Variants in CSGALNACT1 observed in about 807,000 individuals in gnomAD.
CSGALNACT1 encodes the protein beta4GalNAcT-1.
In CSGALNACT1, 52 loss-of-function variants were observed where a neutral mutation model predicts 51.0. That is an observed-to-expected ratio of 1.02 (90% confidence interval 0.82 to 1.29). CSGALNACT1 has a LOEUF of 1.29. Ranked by LOEUF, CSGALNACT1 falls within the 50% of genes most tolerant of loss-of-function variation. The pLI, the probability that CSGALNACT1 is intolerant of heterozygous loss-of-function variation, is 0.00. For missense variants in CSGALNACT1, 935 were observed against 679.2 expected (o/e 1.38, Z -4.19); for synonymous variants, 341 against 254.4 (o/e 1.34, Z -3.24).
chr8:19,439,019 C>A (rs1346985158), intron 6 of CSGALNACT1, among the ~76,000 whole-genome samples: 1 of 152,198 alleles, frequency 6.6e-6, no homozygotes, highest in Non-Finnish European at 1.5e-5. Flanking sequence ...TGGCCATACT[C>A]AAACCTTCAC....
intron 2 of CSGALNACT1, among the ~76,000 whole-genome samples, chr8:19,599,472 AAAAGAAAGAAAGAAAGAAAGAAAG>A (rs201098374): frequency 2.7e-3 from 305 of 113,808 alleles, no homozygotes; most frequent in South Asian, 6.1e-3. Flanking sequence ...GAAAGAAAGA[AAAAGAAAGAAAGAAAGAAAGAAAG>A]AAAGAAAGAA....
At chr8:19,581,203 G>A (rs2045492459) in intron 3 of CSGALNACT1, among the ~76,000 whole-genome samples, 1 of 152,194 alleles carries the variant, frequency 6.6e-6, no homozygotes, top group African/African-American at 2.4e-5. Flanking sequence ...AGCCATCACA[G>A]TAAAACTGTG....
chr8:19,620,505 T>A (rs1008246036), intron 1 of CSGALNACT1, among the ~76,000 whole-genome samples: 3 of 151,318 alleles, frequency 2.0e-5, no homozygotes, highest in African/African-American at 7.3e-5. Flanking sequence ...CGATCATAGG[T>A]CACTGCTGTC....
intron 1 of CSGALNACT1, among the ~76,000 whole-genome samples, chr8:19,660,727 T>A (rs1474108481): frequency 1.3e-5 from 2 of 152,154 alleles, no homozygotes; most frequent in African/African-American, 4.8e-5. Context: ...CCATGATCCC[T>A]GATATTAAAG....
At chr8:19,636,161 G>A (rs2056031650) in intron 1 of CSGALNACT1, among the ~76,000 whole-genome samples, 1 of 152,180 alleles carries the variant, frequency 6.6e-6, no homozygotes, top group Non-Finnish European at 1.5e-5. Flanking sequence ...TCAGTAAACA[G>A]GCGAGTACAA....
chr8:19,679,419 T>C (rs975147034), intron 1 of CSGALNACT1, among the ~76,000 whole-genome samples: 1 of 152,058 alleles, frequency 6.6e-6, no homozygotes, highest in Non-Finnish European at 1.5e-5. Flanking sequence ...ATCATGCCAC[T>C]GTACTCCAGC....
intron 4 of CSGALNACT1, among the ~76,000 whole-genome samples, chr8:19,492,767 C>T (rs780774108): frequency 3.3e-5 from 5 of 152,210 alleles, no homozygotes; most frequent in Non-Finnish European, 5.9e-5. Flanking sequence ...CCTCAAACTA[C>T]TGATATCGTA....
intron 5 of CSGALNACT1, among the ~76,000 whole-genome samples, chr8:19,457,182 A>C (rs7828025): frequency 5.3e-5 from 8 of 151,986 alleles, no homozygotes; most frequent in Admixed American, 5.2e-4. Context: ...ATTTGATTCT[A>C]ATCTTCAAAA....
At chr8:19,436,391 C>T (rs1018644829) in intron 6 of CSGALNACT1, among the ~76,000 whole-genome samples, 2 of 152,208 alleles carry the variant, frequency 1.3e-5, no homozygotes, top group Middle Eastern at 3.4e-3. Flanking sequence ...TCCCATCTGG[C>T]AGGGATCACA....
Position 19,408,710 on chromosome 8 carries a change from T to G in CSGALNACT1, c.1228-16A>C, listed in dbSNP as rs967049832. On this transcript the variant is annotated splice_polypyrimidine_tract_variant and intron_variant, in intron 8 of 9. Transcript: ENST00000454498. Reference sequence around the variant, plus strand: ...TCTTTATGACCTGCAAGAAAAGCACTGTCATTTGAGGGGAAAGTTTAGGGT... The same window carrying G: ...TCTTTATGACCTGCAAGAAAAGCACGGTCATTTGAGGGGAAAGTTTAGGGT... 1.2e-6 allele frequency: 2 copies of G among 1,612,634 alleles called. No homozygotes were observed. Among genetic ancestry groups the G allele is most frequent in the Admixed American group, 3.3e-5 (2 of 59,978 alleles).
At chr8:19,565,259 GA>G (rs2041665949) in intron 3 of CSGALNACT1, among the ~76,000 whole-genome samples, 1 of 152,108 alleles carries the variant, frequency 6.6e-6, no homozygotes, top group Admixed American at 6.5e-5. Flanking sequence ...AAACACCATA[GA>G]AAAAAATTTT....
At chr8:19,472,274 C>T (rs754565146) in intron 4 of CSGALNACT1, among the ~76,000 whole-genome samples, 3 of 152,150 alleles carry the variant, frequency 2.0e-5, no homozygotes, top group Admixed American at 1.3e-4. Context: ...TCCAGGATGT[C>T]GTGGGAAAGC....
intron 3 of CSGALNACT1, among the ~76,000 whole-genome samples, chr8:19,543,514 G>A (rs755180366): frequency 6.6e-6 from 1 of 152,184 alleles, no homozygotes. Context: ...CTTTCTGAGA[G>A]CCTGGTATTT....
At chr8:19,418,566 T>G in intron 8 of CSGALNACT1, 90 bp downstream of exon 7, 2 of 857,776 alleles carry the variant, frequency 2.3e-6, no homozygotes, top group Middle Eastern at 2.2e-4. Context: ...TGCACAGATT[T>G]CTACTCACCT....
exon 4 of CSGALNACT1, chr8:19,505,568 C>G: frequency 1.2e-6 from 2 of 1,613,964 alleles, no homozygotes; most frequent in Non-Finnish European, 1.7e-6. Context: ...GCTGCTCACT[C>G]CTCTCCTGCA....
At position 19,458,409 on chromosome 8, in the gene CSGALNACT1, C is replaced by A. The variant is rs565634377; in HGVS notation, c.851+17G>T. On this transcript the variant is annotated intron_variant, in intron 5 of 9. Coordinates refer to ENST00000454498, the Ensembl canonical transcript of CSGALNACT1. ...CACATCATGCGGAGGAAGATAAACACGTGCGAACAAACCAACCTGAAATTC... is the reference window on the plus strand; with the variant it reads ...CACATCATGCGGAGGAAGATAAACAAGTGCGAACAAACCAACCTGAAATTC... The A allele has an allele frequency of 6.3e-7, 1 of 1,595,452 alleles. No homozygotes were observed. The highest frequency in any genetic ancestry group is 1.7e-5 in the Admixed American group (1 of 60,000).
At chr8:19,507,946 A>G (rs1314836799) in intron 3 of CSGALNACT1, among the ~76,000 whole-genome samples, 10 of 152,200 alleles carry the variant, frequency 6.6e-5, no homozygotes, top group Admixed American at 4.6e-4. Flanking sequence ...GCATCTTTCT[A>G]TATCACTTCA....
At chr8:19,683,939 G>A (rs1436259815), upstream of CSGALNACT1, among the ~76,000 whole-genome samples, 1 of 152,164 alleles carries the variant, frequency 6.6e-6, no homozygotes, top group Non-Finnish European at 1.5e-5. Flanking sequence ...GCCAAGGCAG[G>A]TGGATCATCT....
At chr8:19,677,381 G>A (rs1458827914) in intron 1 of CSGALNACT1, among the ~76,000 whole-genome samples, 1 of 152,224 alleles carries the variant, frequency 6.6e-6, no homozygotes, top group Non-Finnish European at 1.5e-5. Flanking sequence ...AAAGTGCTGG[G>A]ATTACAGGTG....
Sources: allele counts gnomAD v4.1 joint callset (sites outside exome capture counted in the v4.1 genomes callset), GRCh38; gene constraint gnomAD v4.1.1; transcripts MANE v1.5; gene names NCBI Gene and HGNC (gene_info 2026-07-23, HGNC 2026-07-21).